The following DLGAP2 variants were observed in gnomAD, a reference collection of about 807,000 sequenced individuals.
DLGAP2 encodes DLG associated protein 2, also known as disks large-associated protein 2.
Under a neutral mutation model 100.3 loss-of-function variants are expected in DLGAP2, and 26 were observed. That is an observed-to-expected ratio of 0.26 (90% CI 0.19 to 0.36). DLGAP2 has a LOEUF of 0.36. Among genes scored for constraint, DLGAP2 ranks in the 10% least tolerant of loss-of-function variants. The probability of loss-of-function intolerance (pLI) is 1.00; values close to 1 mark genes in which losing one functional copy is unlikely to be tolerated. For synonymous variants in DLGAP2, 886 were observed against 630.1 expected, an observed-to-expected ratio of 1.41 and a Z score of -6.08; for missense variants, 1,858 against 1,453.2, an observed-to-expected ratio of 1.28 and a Z score of -4.53.
intron 3 of DLGAP2, among the ~76,000 whole-genome samples, chr8:1,445,514 A>G (rs1341340625): frequency 6.6e-6 from 1 of 151,722 alleles, no homozygotes; most frequent in African/African-American, 2.4e-5. Flanking sequence ...GTTGGTTCCA[A>G]GTCTTTGCTA....
At chr8:1,207,945 C>T (rs546734167) in intron 2 of DLGAP2, among the ~76,000 whole-genome samples, 1 of 151,880 alleles carries the variant, frequency 6.6e-6, no homozygotes, top group South Asian at 2.1e-4. Flanking sequence ...GGTTTGAGTT[C>T]CTTGAAGATT....
chr8:796,814 G>A (rs1478737252), intron 1 of DLGAP2, among the ~76,000 whole-genome samples: 2 of 152,130 alleles, frequency 1.3e-5, no homozygotes, highest in African/African-American at 4.8e-5. Flanking sequence ...CACCATGACA[G>A]CCAGGTGGCT....
chr8:757,299 C>T lies in DLGAP2; in HGVS notation c.18+19474C>T, dbSNP rs189303462. Among the ~76,000 whole-genome samples the T allele has an allele frequency of 9.6e-4, 146 of 152,336 alleles. 1 individual carries two copies. Among genetic ancestry groups the T allele is most frequent in the African/African-American group, 3.3e-3 (136 of 41,578 alleles). ...TATAGAATATGTAAAATACCGCAAT[C>T]CAGCCAACCTGCCCTCATCCAGTGA... On this transcript the variant is annotated intron_variant, in intron 1 of 14. Coordinates refer to ENST00000637795, the MANE Select transcript of DLGAP2 (RefSeq NM_001346810.2).
chr8:1,575,643 A>G (rs1402387583), intron 6 of DLGAP2, among the ~76,000 whole-genome samples: 3 of 108,000 alleles, frequency 2.8e-5, no homozygotes, highest in Non-Finnish European at 5.1e-5. Flanking sequence ...AACAGGCCCT[A>G]GTGTGTGATG....
rs1820937817 is a variant in DLGAP2, at chr8:756,997, G to T, written c.18+19172G>T. Among the ~76,000 whole-genome samples, 3 of 152,168 alleles carry T rather than the reference G, an allele frequency of 2.0e-5. No individual in the cohort carries two copies. The South Asian group carries it at 6.2e-4, about 31-fold the overall frequency. On this transcript the variant is annotated intron_variant, in intron 1 of 14. Transcript: ENST00000637795. ...TGGGGTGCCCGCAATGGGTCTTCCG[G>T]AATGTTTGCCTCAAGAAGCTGTTTC...
intron 3 of DLGAP2, among the ~76,000 whole-genome samples, chr8:1,432,978 AGGACTCACAGGCGGCT>A: frequency 6.6e-6 from 1 of 152,246 alleles, no homozygotes; most frequent in South Asian, 2.1e-4. Context: ...TGACTGCTCC[AGGACTCACAGGCGGCT>A]GGACCTCCAT....
chr8:1,047,201 C>T (rs560463889), intron 2 of DLGAP2, among the ~76,000 whole-genome samples: 6 of 152,212 alleles, frequency 3.9e-5, no homozygotes, highest in Non-Finnish European at 8.8e-5. Flanking sequence ...CTATAGGGAG[C>T]CTGCTTTCAG....
At chr8:1,353,375 C>A (rs543179785) in intron 3 of DLGAP2, among the ~76,000 whole-genome samples, 2 of 152,262 alleles carry the variant, frequency 1.3e-5, no homozygotes, top group African/African-American at 4.8e-5. Context: ...CTTCGAGTTC[C>A]GCACAACCCT....
At position 801,765 on chromosome 8, in the gene DLGAP2, A is replaced by G. The variant is rs184371200; in HGVS notation, c.18+63940A>G. 3.6e-3 allele frequency among the ~76,000 whole-genome samples: 552 copies of G among 152,262 alleles called. 3 individuals carry two copies. Among genetic ancestry groups the G allele is most frequent in the African/African-American group, 0.012 (517 of 41,526 alleles). ...ATTTTGATGAGAAATAACGTTCACA[A>G]TAGGCTGTTTCTCTCCTGGGGGTTC... On this transcript the variant is annotated intron_variant, in intron 1 of 14. Coordinates refer to ENST00000637795, the MANE Select transcript of DLGAP2 (RefSeq NM_001346810.2).
At chr8:1,566,211 T>C (rs1194988308) in intron 6 of DLGAP2, among the ~76,000 whole-genome samples, 2 of 152,212 alleles carry the variant, frequency 1.3e-5, no homozygotes, top group Non-Finnish European at 2.9e-5. Flanking sequence ...TCTGTTTGTA[T>C]GAATGTGTGC....
chr8:1,300,711 C>A (rs1800314839), intron 3 of DLGAP2: 1 of 152,196 alleles, frequency 6.6e-6, no homozygotes. Context: ...ATGGTGGCAT[C>A]CCTCGTGTTT....
intron 1 of DLGAP2, among the ~76,000 whole-genome samples, chr8:795,416 A>T (rs1796002587): frequency 6.6e-6 from 1 of 152,238 alleles, no homozygotes; most frequent in African/African-American, 2.4e-5. Context: ...CTGTCTAGAC[A>T]GCACCTCAGC....
chr8:843,394 G>A (rs984844672), intron 1 of DLGAP2, among the ~76,000 whole-genome samples: 1 of 152,320 alleles, frequency 6.6e-6, no homozygotes, highest in East Asian at 1.9e-4. Context: ...GAGTTCACGG[G>A]GGCTGTCTTT....
intron 1 of DLGAP2, among the ~76,000 whole-genome samples, chr8:890,660 C>T (rs1219657430): frequency 6.6e-6 from 1 of 152,038 alleles, no homozygotes; most frequent in Non-Finnish European, 1.5e-5. Context: ...GGTTTGCCCT[C>T]ACCCACCCGG....
At chr8:1,363,736 C>G (rs1487467851) in intron 3 of DLGAP2, among the ~76,000 whole-genome samples, 1 of 152,232 alleles carries the variant, frequency 6.6e-6, no homozygotes, top group East Asian at 1.9e-4. Context: ...TCTGGCAGCT[C>G]CTCTCTGGTG....
intron 2 of DLGAP2, among the ~76,000 whole-genome samples, chr8:955,104 G>T (rs1192760241): frequency 1.3e-5 from 2 of 151,952 alleles, no homozygotes; most frequent in Non-Finnish European, 2.9e-5. Context: ...AAGGCCATGA[G>T]AGTTTGAAGG....
intron 1 of DLGAP2, among the ~76,000 whole-genome samples, chr8:872,131 A>C (rs562339372): frequency 1.3e-5 from 2 of 152,206 alleles, no homozygotes; most frequent in African/African-American, 4.8e-5. Context: ...GTGTGTATTT[A>C]GTGAGCTTTC....
intron 2 of DLGAP2, among the ~76,000 whole-genome samples, chr8:1,047,363 A>AT (rs547402969): frequency 7.2e-5 from 11 of 152,152 alleles, no homozygotes; most frequent in South Asian, 4.2e-4. Context: ...GGATTTTGGA[A>AT]TTTTTTTTGG....
At position 1,565,716 on chromosome 8, in the gene DLGAP2, G is replaced by T. The variant is rs367568530; in HGVS notation, c.1264G>T (p.Gly422Cys). ...GGATGAGTGGGGAGGGTACCCCACCGGTGGCAAAGATGAGGAGATTCCCTG... is the reference window on the plus strand; with the variant it reads ...GGATGAGTGGGGAGGGTACCCCACCTGTGGCAAAGATGAGGAGATTCCCTG... ...PQDEWGGYPT[G>C]GKDEEIPCRR... The change falls in exon 6 of 15, where the codon GGT becomes TGT. Residue 422 changes from glycine to cysteine, a missense_variant. Transcript: ENST00000637795. 4.0e-5 allele frequency: 64 copies of T among 1,613,144 alleles called. No individual in the cohort carries two copies. The Admixed American group carries it at 1.1e-3, about 27-fold the overall frequency.
Sources: gnomAD v4.1 joint callset for allele counts (sites outside exome capture counted in the v4.1 genomes callset) on GRCh38, gnomAD v4.1.1 for gene constraint, MANE v1.5 for transcripts, NCBI Gene and HGNC (gene_info 2026-07-23, HGNC 2026-07-21) for gene names.